Variants in DMBT1 observed in about 807,000 individuals in gnomAD.
DMBT1 encodes deleted in malignant brain tumors 1.
In DMBT1, 198 loss-of-function variants were observed where a neutral mutation model predicts 252.9. That is an observed-to-expected ratio of 0.78 (90% CI 0.70 to 0.88). DMBT1 has a LOEUF of 0.88. Ranked by LOEUF, DMBT1 falls within the 40% of genes least tolerant of loss-of-function variation. The probability of loss-of-function intolerance (pLI) is 0.00; values close to 1 mark genes in which losing one functional copy is unlikely to be tolerated. For missense variants in DMBT1, 2,432 were observed against 2,404.7 expected (o/e 1.01, Z -0.24); for synonymous variants, 990 against 942.7 (o/e 1.05, Z -0.92).
rs763757917 is a variant in DMBT1 at position 122,618,187 on chromosome 10, C to T, written c.5062C>T (p.Pro1688Ser). 24 of 1,613,744 alleles carry T rather than the reference C, an allele frequency of 1.5e-5. No individual in the cohort carries two copies. The highest frequency in any genetic ancestry group is 5.5e-5 in the South Asian group (5 of 91,084). The change falls in exon 41 of 56, where the codon CCA becomes TCA. Residue 1688 changes from proline (P) to serine (S), a missense_variant. Physicochemically the swap from Pro to Ser is moderately conservative, Grantham distance 74. Around this residue, in one of 3 missense-constraint regions of DMBT1, gnomAD observed 1,162 missense variants for 1,169.0 expected, o/e 0.99. Coordinates refer to ENST00000338354, the MANE Select transcript of DMBT1 (RefSeq NM_001377530.1). The stretch of plus-strand genomic sequence containing the variant: ...GGGCTGTGGCTGGGCCATGTCAGCC[C>T]CAGGAAATGCCCAGTTTGGCCAGGG... ...QLGCGWAMSA[P>S]GNAQFGQGSG...
At position 122,621,121 on chromosome 10, in the gene DMBT1, G is replaced by A. The variant is rs778184527; in HGVS notation, c.5349G>A (p.Glu1783=). The change falls in exon 44 of 56, where the codon GAG becomes GAA. Residue 1783 remains glutamate, a synonymous_variant. Coordinates refer to ENST00000338354, the MANE Select transcript of DMBT1 (RefSeq NM_001377530.1). ...NGGDRCRGRV[E]VLYRGSWGTV... ...GTGACAGGTGTCGAGGCCGAGTGGAGGTCCTGTATCGAGGCTCCTGGGGAA... is the reference window on the plus strand; with the variant it reads ...GTGACAGGTGTCGAGGCCGAGTGGAAGTCCTGTATCGAGGCTCCTGGGGAA... 2.5e-6 allele frequency: 4 copies of A among 1,613,772 alleles called. No individual in the cohort carries two copies. The Admixed American group carries it at 5.0e-5, about 20-fold the overall frequency.
At chr10:122,600,649 C>A (rs937475063) in intron 27 of DMBT1, among the ~76,000 whole-genome samples, 1 of 152,168 alleles carries the variant, frequency 6.6e-6, no homozygotes, top group Admixed American at 6.5e-5. Flanking sequence ...CCCTGGTTCC[C>A]CTAACATTTT....
chr10:122,565,412 G>A (rs1182729244), intron 1 of DMBT1, among the ~76,000 whole-genome samples: 1 of 152,154 alleles, frequency 6.6e-6, no homozygotes. Context: ...AGTTAGAACT[G>A]CTCAAAAAGA....
At chr10:122,585,379 A>C in intron 15 of DMBT1, 70 bp downstream of exon 15, 1 of 1,533,416 alleles carries the variant, frequency 6.5e-7, no homozygotes, top group South Asian at 1.2e-5. Flanking sequence ...TTCTGAAATG[A>C]TAGGATGAGG....
rs1431902524 is a variant in DMBT1 at position 122,579,772 on chromosome 10, G to C, written c.874G>C (p.Gly292Arg). Residue 292 changes from glycine (G) to arginine (R), a missense_variant, in exon 10 of 56, where the codon GGC becomes CGC. By Grantham distance (125) the Gly-to-Arg change is moderately radical (BLOSUM62 -2). Coordinates refer to ENST00000338354, the MANE Select transcript of DMBT1 (RefSeq NM_001377530.1). ...CCCAGGAAATGCCCAGTTTGGCCAGGGCTCAGGACCCATTGTCCTGGATGA... is the reference window on the plus strand; with the variant it reads ...CCCAGGAAATGCCCAGTTTGGCCAGCGCTCAGGACCCATTGTCCTGGATGA... ...SAPGNAQFGQ[G>R]SGPIVLDDVR... is the part of the protein sequence containing the mutation. The C allele has an allele frequency of 1.2e-6, 2 of 1,613,826 alleles. No individual in the cohort carries two copies. The highest frequency in any genetic ancestry group is 1.7e-6 in the Non-Finnish European group (2 of 1,179,768).
At chr10:122,563,317 C>G (rs1232333139) in intron 1 of DMBT1, among the ~76,000 whole-genome samples, 1 of 152,156 alleles carries the variant, frequency 6.6e-6, no homozygotes, top group African/African-American at 2.4e-5. Flanking sequence ...ATAGACAGAG[C>G]CTCAGAACCA....
At chr10:122,598,063 A>T in intron 25 of DMBT1, 51 bp downstream of exon 25, 1 of 1,611,890 alleles carries the variant, frequency 6.2e-7, no homozygotes, top group Non-Finnish European at 8.5e-7. Context: ...CCTCTGGACA[A>T]ATGTTTTTTC....
chr10:122,637,432 T>C (rs1162172013), intron 54 of DMBT1, 120 bp downstream of exon 54: 14 of 1,179,316 alleles, frequency 1.2e-5, no homozygotes, highest in African/African-American at 6.2e-5. Flanking sequence ...CAGGACATAA[T>C]TGGAATAAAG....
intron 55 of DMBT1, among the ~76,000 whole-genome samples, chr10:122,642,883 C>T (rs2742223): frequency 0.51 from 77,717 of 151,494 alleles, 22,381 homozygotes; most frequent in African/African-American, 0.79. Flanking sequence ...GCTTGTCTAT[C>T]GGGAAAGCTC....
chr10:122,571,333 G>C (rs550290794), intron 4 of DMBT1, among the ~76,000 whole-genome samples: 12 of 152,264 alleles, frequency 7.9e-5, no homozygotes, highest in Admixed American at 7.2e-4. Context: ...CTTGTGGACT[G>C]GTTCTGATGA....
intron 46 of DMBT1, 39 bp downstream of exon 46, chr10:122,626,004 A>G (rs1178804991): frequency 6.4e-7 from 1 of 1,565,584 alleles, no homozygotes; most frequent in Non-Finnish European, 8.8e-7. Context: ...TAGGTCATAC[A>G]TTTCTTATCC....
Position 122,636,186 on chromosome 10 carries a change from C to T in DMBT1, c.6744C>T (p.Ser2248=). 1 of 1,613,260 alleles carries T rather than the reference C, an allele frequency of 6.2e-7. No homozygotes were observed. Among genetic ancestry groups the T allele is most frequent in the Non-Finnish European group, 8.5e-7 (1 of 1,179,446 alleles). Residue 2248 remains serine, a synonymous_variant, in exon 53 of 56, where the codon TCC becomes TCT. Coordinates refer to ENST00000338354, the MANE Select transcript of DMBT1 (RefSeq NM_001377530.1). The part of the protein sequence containing the change: ...GFRAEYYSSP[S]NDSTNLLCLP... ...GGGCTGAGTACTACTCCAGTCCCTCCAATGACAGCACCAGTAAGTCCCCTT... is the reference window on the plus strand; with the variant it reads ...GGGCTGAGTACTACTCCAGTCCCTCTAATGACAGCACCAGTAAGTCCCCTT...
chr10:122,598,651 A>C lies in DMBT1; in HGVS notation c.2957-123A>C, dbSNP rs761274731. 6 of 1,556,444 alleles carry C rather than the reference A, an allele frequency of 3.9e-6. No homozygotes were observed. In the African/African-American group the frequency reaches 8.2e-5, roughly 21 times the overall value. Reference sequence around the variant, plus strand: ...AAGCTGAATCTCTGATTTTATTCATATTCAAAGGTGACTGCCTGCCCAGGT... The same window carrying C: ...AAGCTGAATCTCTGATTTTATTCATCTTCAAAGGTGACTGCCTGCCCAGGT... On this transcript the variant is annotated intron_variant, in intron 25 of 55. Coordinates refer to ENST00000338354, the MANE Select transcript of DMBT1 (RefSeq NM_001377530.1).
chr10:122,570,656 C>T (rs3013235), intron 3 of DMBT1, among the ~76,000 whole-genome samples: 104,504 of 152,028 alleles, frequency 0.69, 36,132 homozygotes, highest in East Asian at 0.78. Flanking sequence ...GAGGCTGTGG[C>T]AGCAGAAGAG....
At chr10:122,587,358 A>G (rs1420495351) in intron 16 of DMBT1, among the ~76,000 whole-genome samples, 1 of 148,618 alleles carries the variant, frequency 6.7e-6, no homozygotes, top group East Asian at 2.1e-4. Context: ...GTGACTGTCC[A>G]TATCTGACCT....
chr10:122,576,369 G>A, intron 6 of DMBT1, 30 bp from the exon 7 acceptor site: 1 of 1,609,446 alleles, frequency 6.2e-7, no homozygotes, highest in Non-Finnish European at 8.5e-7. Flanking sequence ...CAGTAGGAAT[G>A]TGCAAGAGAA....
chr10:122,631,049 A>G lies in DMBT1; in HGVS notation c.6114A>G (p.Thr2038=). 1 of 1,613,800 alleles carries G rather than the reference A, an allele frequency of 6.2e-7. No homozygotes were observed. The highest frequency in any genetic ancestry group is 1.3e-5 in the African/African-American group (1 of 75,034). The change falls in exon 49 of 56, where the codon ACA becomes ACG. Residue 2038 remains threonine (T), a synonymous_variant. Coordinates refer to ENST00000338354, the MANE Select transcript of DMBT1 (RefSeq NM_001377530.1). Reference sequence around the variant, plus strand: ...TTTACCATGGTGGCACCTGGGGGACAGTTTGTGATGACTCCTGGACCATTC... The same window carrying G: ...TTTACCATGGTGGCACCTGGGGGACGGTTTGTGATGACTCCTGGACCATTC... ...VEIYHGGTWG[T]VCDDSWTIQE... is the part of the protein sequence containing the mutation.
At position 122,620,191 on chromosome 10, in the gene DMBT1, T is replaced by A. The variant is rs986081797; in HGVS notation, c.5246-62T>A. 4 of 1,565,610 alleles carry A rather than the reference T, an allele frequency of 2.6e-6. No homozygotes were observed. The African/African-American group carries it at 5.4e-5, about 21-fold the overall frequency. On this transcript the variant is annotated intron_variant, in intron 42 of 55. Transcript: ENST00000338354. Reference sequence around the variant, plus strand: ...ATGATGCTTGCCTGGTTCAGAGATTTTTTTTTGTAGCTTTCCTCCCTCAAG... The same window carrying A: ...ATGATGCTTGCCTGGTTCAGAGATTATTTTTTGTAGCTTTCCTCCCTCAAG...
In DMBT1 at chr10:122,618,617, T is replaced by A. The variant is rs146813748; in HGVS notation, c.5215+277T>A. Among the ~76,000 whole-genome samples the A allele has an allele frequency of 3.2e-3, 481 of 152,256 alleles. 2 individuals are homozygous for A. Among genetic ancestry groups the A allele is most frequent in the African/African-American group, 0.011 (437 of 41,544 alleles). On this transcript the variant is annotated intron_variant, in intron 41 of 55. Transcript: ENST00000338354. ...AGAGGCAGAAGAGAAAAGTGCTGGC[T>A]CCCCACGGCTCCATTTCTTCCCTGC...
Sources: gnomAD v4.1 joint callset for allele counts (sites outside exome capture counted in the v4.1 genomes callset) on GRCh38, gnomAD v4.1.1 for gene constraint, gnomAD v4.1.1 regional missense constraint, MANE v1.5 for transcripts, NCBI Gene and HGNC (gene_info 2026-07-23, HGNC 2026-07-21) for gene names.